The following LONP1 variants were observed in gnomAD, a reference collection of about 807,000 sequenced individuals.
LONP1 encodes lon peptidase 1, mitochondrial.
In LONP1, 31 loss-of-function variants were observed where a neutral mutation model predicts 98.5. The ratio of observed to expected loss-of-function variants is 0.31; its 90% CI spans 0.24 to 0.42. The LOEUF (loss-of-function observed/expected upper bound fraction) is 0.42, where lower values mean the gene tolerates loss of function less well. Ranked by LOEUF, LONP1 falls within the 20% of genes least tolerant of loss-of-function variation. LONP1 has a pLI of 1.00. For synonymous variants in LONP1, 781 were observed against 594.7 expected (o/e 1.31, Z -4.56); for missense variants, 1,336 against 1,350.6 (o/e 0.99, Z 0.17).
chr19:5,696,344 C>T lies in LONP1; in HGVS notation c.1801G>A (p.Gly601Arg), dbSNP rs2054927988. 2.5e-6 allele frequency: 4 copies of T among 1,613,186 alleles called. No homozygotes were observed. Among genetic ancestry groups the T allele is most frequent in the Non-Finnish European group, 3.4e-6 (4 of 1,179,862 alleles). The change falls in exon 12 of 18, where the codon GGG becomes AGG. Residue 601 changes from glycine (G) to arginine (R), a missense_variant. By Grantham distance (125) the Gly-to-Arg change is moderately radical. Around this residue, in one of 5 missense-constraint regions of LONP1, gnomAD observed 555 missense variants for 542.6 expected, o/e 1.02. Transcript: ENST00000360614. ...TCCAGCAGTGCCGACGACGGGTCCC[C>T]CTGGTAGCCTCGGCCGATCTTGTCC... is the stretch of plus-strand genomic sequence containing the variant. ...EVDKIGRGYQ[G>R]DPSSALLELL...
At chr19:5,707,210 G>A in intron 6 of LONP1, 67 bp from the exon 7 acceptor site, 1 of 1,316,826 alleles carries the variant, frequency 7.6e-7, no homozygotes, top group South Asian at 1.2e-5. Flanking sequence ...GGCCGAGGTT[G>A]GGGGAAAATG....
intron 10 of LONP1, 67 bp from the exon 11 acceptor site, chr19:5,696,824 C>T: frequency 3.7e-6 from 4 of 1,079,336 alleles, no homozygotes; most frequent in Non-Finnish European, 5.6e-6. Flanking sequence ...CACCATGCAC[C>T]CTCCAGGGCC....
At position 5,694,096 on chromosome 19, in the gene LONP1, G is replaced by A. The variant is rs541024315; in HGVS notation, c.2320+291C>T. On this transcript the variant is annotated intron_variant, in intron 15 of 17. Coordinates refer to ENST00000360614, the MANE Select transcript of LONP1 (RefSeq NM_004793.4). ...CCCGCACCATCCCCTTTGCCCTCTC[G>A]CCTCCTTTGTGCGTGGTGGCCCCAA... Among the ~76,000 whole-genome samples, 23 of 152,254 alleles carry A rather than the reference G, an allele frequency of 1.5e-4. No individual in the cohort carries two copies. In the East Asian group the frequency reaches 3.5e-3, roughly 23 times the overall value.
In LONP1 at chr19:5,693,947, T is replaced by A. The variant is rs115979016; in HGVS notation, c.2321-178A>T. 0.016 allele frequency among the ~76,000 whole-genome samples: 2,461 copies of A among 152,218 alleles called. 66 individuals carry two copies. Among genetic ancestry groups the A allele is most frequent in the African/African-American group, 0.055 (2,302 of 41,526 alleles). On this transcript the variant is annotated intron_variant, in intron 15 of 17. Transcript: ENST00000360614. ...GCCTCTACGTTTGCTGCGTTGCGGG[T>A]TCCTGGCTCTGTACGCCCCACAGGG...
rs2055401334 is a variant in LONP1 at position 5,719,820 on chromosome 19, C to T, written c.313G>A (p.Glu105Lys). 6.2e-7 allele frequency: 1 copy of T among 1,610,884 alleles called. No individual in the cohort carries two copies. Among genetic ancestry groups the T allele is most frequent in the Admixed American group, 1.7e-5 (1 of 59,938 alleles). Reference sequence around the variant, plus strand: ...GTGAGCGCCGTTATGACCGGGCCTTCCCCGGCGCCCGCGCTGCCCCCCGCG... The same window carrying T: ...GTGAGCGCCGTTATGACCGGGCCTTTCCCGGCGCCCGCGCTGCCCCCCGCG... ...GGAGGSAGAGEGPVITALTPM... is the reference protein window; with the variant it reads ...GGAGGSAGAGKGPVITALTPM... Residue 105 changes from glutamate (E) to lysine (K), a missense_variant, in exon 1 of 18, where the codon GAA (glutamate) becomes AAA (lysine). Physicochemically the swap from Glu to Lys is moderately conservative, Grantham distance 56. Coordinates refer to ENST00000360614, the MANE Select transcript of LONP1 (RefSeq NM_004793.4).
intron 9 of LONP1, 90 bp from the exon 10 acceptor site, chr19:5,699,295 A>G: frequency 9.2e-7 from 1 of 1,088,540 alleles, no homozygotes. Flanking sequence ...TGCCTTTCAG[A>G]CGTCTGAGGG....
intron 14 of LONP1, 40 bp downstream of exon 14, chr19:5,694,721 G>C (rs755370348): frequency 3.2e-6 from 5 of 1,580,094 alleles, no homozygotes; most frequent in Non-Finnish European, 4.3e-6. Context: ...GGGATGGTGA[G>C]GTGGGCGGCA....
intron 4 of LONP1, among the ~76,000 whole-genome samples, chr19:5,709,907 C>CAAAAAAAAAAAAAAAAAAAA (rs755774542): frequency 1.6e-4 from 6 of 38,668 alleles, no homozygotes; most frequent in East Asian, 1.1e-3. Context: ...GGCTCCATCT[C>CAAAAAAAAAAAAAAAAAAAA]AAAAAAAAAA....
rs201187879 is a variant in LONP1, at chr19:5,714,228, C to T, written c.473G>A (p.Arg158His). The change falls in exon 2 of 18, where the codon CGT (arginine) becomes CAT (histidine). Residue 158 changes from arginine to histidine, a missense_variant. Physicochemically the swap from Arg to His is conservative, Grantham distance 29. Around this residue, in one of 5 missense-constraint regions of LONP1, gnomAD observed 457 missense variants for 403.1 expected, o/e 1.13. Transcript: ENST00000360614. ...KLVELLRRKV[R>H]LAQPYVGVFL... ...GACGCCGACATAAGGCTGGGCGAGA[C>T]GAACTTTCCTTCTCAGCAGCTCAAC... 35 of 1,613,910 alleles carry T rather than the reference C, an allele frequency of 2.2e-5. No homozygotes were observed. The highest frequency in any genetic ancestry group is 1.9e-4 in the African/African-American group (14 of 74,904).
At chr19:5,698,594 G>A (rs1302568773) in intron 10 of LONP1, among the ~76,000 whole-genome samples, 2 of 152,218 alleles carry the variant, frequency 1.3e-5, no homozygotes, top group African/African-American at 4.8e-5. Context: ...CCTCACTGGA[G>A]ACCGTCTCTC....
chr19:5,696,046 G>C lies in LONP1; in HGVS notation c.2013+8C>G. 6.2e-7 allele frequency: 1 copy of C among 1,609,722 alleles called. No homozygotes were observed. The highest frequency in any genetic ancestry group is 8.5e-7 in the Non-Finnish European group (1 of 1,178,436). On this transcript the variant is annotated splice_region_variant and intron_variant, in intron 13 of 17. Transcript: ENST00000360614. ...AAGGGGACAGCAGTGGGGAGGGGCT[G>C]GGCTTACCTCCGCAATGGCCAGCTT...
intron 8 of LONP1, among the ~76,000 whole-genome samples, chr19:5,703,050 G>A (rs891389410): frequency 1.9e-4 from 29 of 151,920 alleles, no homozygotes; most frequent in Admixed American, 5.9e-4. Context: ...GCGTGGCAGC[G>A]GACACCTGTA....
At chr19:5,707,940 G>T in intron 5 of LONP1, 114 bp from the exon 6 acceptor site, 5 of 1,220,248 alleles carry the variant, frequency 4.1e-6, no homozygotes, top group Non-Finnish European at 5.7e-6. Flanking sequence ...TATGGGCACG[G>T]TCTAGGGGTG....
intron 4 of LONP1, among the ~76,000 whole-genome samples, chr19:5,711,042 A>G (rs866598313): frequency 3.3e-5 from 5 of 151,768 alleles, no homozygotes; most frequent in Admixed American, 6.6e-5. Context: ...AAGAAAGAAA[A>G]AAAAAAACCT....
At chr19:5,707,247 G>C (rs1336935359) in intron 6 of LONP1, 104 bp from the exon 7 acceptor site, 1 of 884,350 alleles carries the variant, frequency 1.1e-6, no homozygotes, top group Non-Finnish European at 1.8e-6. Flanking sequence ...CTGCCGGGAG[G>C]ACCTGGCCAT....
intron 9 of LONP1, among the ~76,000 whole-genome samples, chr19:5,699,748 C>A (rs1462032947): frequency 6.6e-6 from 1 of 151,144 alleles, no homozygotes; most frequent in African/African-American, 2.4e-5. Context: ...TTAGTAGAGG[C>A]GAGGTTTCAC....
intron 8 of LONP1, among the ~76,000 whole-genome samples, chr19:5,701,530 A>G (rs931143405): frequency 2.0e-4 from 31 of 151,828 alleles, no homozygotes; most frequent in African/African-American, 6.3e-4. Context: ...ACGGGGTTTC[A>G]CTGTGTTGGC....
intron 10 of LONP1, among the ~76,000 whole-genome samples, chr19:5,697,580 G>A: frequency 8.1e-6 from 1 of 123,134 alleles, no homozygotes; most frequent in Non-Finnish European, 1.7e-5. Flanking sequence ...GGAGGGGGAG[G>A]AAGAAGAGAG....
In LONP1 at chr19:5,716,289, T is replaced by C. The variant is rs1302428730; in HGVS notation, c.430-2018A>G. Among the ~76,000 whole-genome samples, 6 of 112,068 alleles carry C rather than the reference T, an allele frequency of 5.4e-5. No homozygotes were observed. In the East Asian group the frequency reaches 1.2e-3, roughly 22 times the overall value. The allele number at this position is 112,068 out of a possible 152,430, so 73.5% of individuals were successfully genotyped here. On this transcript the variant is annotated intron_variant, in intron 1 of 17. Transcript: ENST00000360614. ...ATATATATATATATATATATATATA[T>C]ATATATATATAGTAATGGCCCTCAA...
Sources: gnomAD v4.1 joint callset for allele counts (sites outside exome capture counted in the v4.1 genomes callset) on GRCh38, gnomAD v4.1.1 for gene constraint, gnomAD v4.1.1 regional missense constraint, MANE v1.5 for transcripts, NCBI Gene and HGNC (gene_info 2026-07-23, HGNC 2026-07-21) for gene names.